The following MTMR2 variants were observed in gnomAD, a reference collection of about 807,000 sequenced individuals.
The protein encoded by MTMR2 is phosphatidylinositol-3,5-bisphosphate 3-phosphatase MTMR2.
MTMR2 carries 55 observed loss-of-function variants against 86.9 expected under a neutral mutation model. That is an observed-to-expected ratio of 0.63 (90% CI 0.51 to 0.79). The LOEUF (loss-of-function observed/expected upper bound fraction) is 0.79. MTMR2 is among the 30% of genes least tolerant of loss of function. MTMR2 has a pLI of 0.00. For missense variants in MTMR2, 659 were observed against 772.3 expected, an observed-to-expected ratio of 0.85 and a Z score of 1.74; for synonymous variants, 241 against 266.8, an observed-to-expected ratio of 0.90 and a Z score of 0.94.
At chr11:95,867,547 C>T (rs116112107) in intron 2 of MTMR2, among the ~76,000 whole-genome samples, 90 of 152,190 alleles carry the variant, frequency 5.9e-4, no homozygotes, top group African/African-American at 2.1e-3. Context: ...TGTCAAAGAG[C>T]GAGGCAATGA....
intron 11 of MTMR2, among the ~76,000 whole-genome samples, chr11:95,843,478 C>T (rs1052674340): frequency 6.6e-6 from 1 of 152,128 alleles, no homozygotes; most frequent in South Asian, 2.1e-4. Flanking sequence ...CAACTAACCT[C>T]TAAGAAACTA....
rs750446612 is a variant in MTMR2, at chr11:95,862,404, T to G, written c.263-38A>C. The stretch of plus-strand genomic sequence containing the variant: ...GAAGTCCACAGTTTACTATACATTA[T>G]GTGCTATTAAAACCTGCTATCTCAT... On this transcript the variant is annotated intron_variant, in intron 3 of 14. Transcript: ENST00000346299. The G allele has an allele frequency of 3.4e-6, 5 of 1,486,220 alleles. No homozygotes were observed. The Admixed American group carries it at 6.7e-5, about 20-fold the overall frequency. The allele number at this position is 1,486,220 out of a possible 1,614,324, so 92.1% of individuals were successfully genotyped here.
chr11:95,892,492 A>G (rs2135559242), intron 1 of MTMR2, among the ~76,000 whole-genome samples: 1 of 152,330 alleles, frequency 6.6e-6, no homozygotes, highest in East Asian at 1.9e-4. Context: ...ACTCCAAATA[A>G]TAAGAATCTT....
intron 5 of MTMR2, 139 bp from the exon 6 acceptor site, chr11:95,858,771 G>A: frequency 1.6e-6 from 1 of 640,432 alleles, no homozygotes; most frequent in Non-Finnish European, 2.8e-6. Flanking sequence ...TCAGCTCCTG[G>A]AGACAGGGAA....
intron 1 of MTMR2, among the ~76,000 whole-genome samples, chr11:95,902,917 T>C (rs539015859): frequency 1.3e-5 from 2 of 152,310 alleles, no homozygotes; most frequent in African/African-American, 4.8e-5. Flanking sequence ...CCACCCTCTT[T>C]GTTGACATCA....
At chr11:95,912,174 G>T (rs868115194) in intron 1 of MTMR2, among the ~76,000 whole-genome samples, 16 of 150,336 alleles carry the variant, frequency 1.1e-4, no homozygotes, top group Middle Eastern at 3.4e-3. Flanking sequence ...AGTCCAGAAA[G>T]GTTAAGCTAA....
chr11:95,860,745 T>C (rs1449912093), intron 5 of MTMR2, among the ~76,000 whole-genome samples: 1 of 152,154 alleles, frequency 6.6e-6, no homozygotes, highest in Non-Finnish European at 1.5e-5. Flanking sequence ...ACCTATGACT[T>C]AATGGTAAAA....
At chr11:95,913,296 C>T (rs371227934) in intron 1 of MTMR2, among the ~76,000 whole-genome samples, 1 of 152,072 alleles carries the variant, frequency 6.6e-6, no homozygotes, top group East Asian at 1.9e-4. Flanking sequence ...ATTAGGAGAT[C>T]ATCTCTGACA....
chr11:95,900,732 C>T (rs183289417), intron 1 of MTMR2, among the ~76,000 whole-genome samples: 128 of 152,218 alleles, frequency 8.4e-4, no homozygotes, highest in African/African-American at 1.7e-3. Context: ...TGCGTGTGCA[C>T]GCACACACAC....
In MTMR2 at chr11:95,838,122, C is replaced by A; in HGVS notation, c.1565G>T (p.Cys522Phe). Residue 522 changes from cysteine (C) to phenylalanine (F), a missense_variant, in exon 13 of 15, where the codon TGT becomes TTT. Around this residue, in one of 3 missense-constraint regions of MTMR2, gnomAD observed 193 missense variants for 191.6 expected, o/e 1.01. Coordinates refer to ENST00000346299, the MANE Select transcript of MTMR2 (RefSeq NM_016156.6). ...LYSCLFGTFL[C>F]NSEQQRGKEN... ...TTTTCCTCTCTGTTGTTCACTATTACAGAGGAATGTTCCGAATAAGCAGCT... is the reference window on the plus strand; with the variant it reads ...TTTTCCTCTCTGTTGTTCACTATTAAAGAGGAATGTTCCGAATAAGCAGCT... The A allele has an allele frequency of 6.2e-7, 1 of 1,607,470 alleles. No homozygotes were observed. The highest frequency in any genetic ancestry group is 1.3e-5 in the African/African-American group (1 of 74,786).
At chr11:95,923,427 A>C (rs1483560237) in intron 1 of MTMR2, among the ~76,000 whole-genome samples, 1 of 152,100 alleles carries the variant, frequency 6.6e-6, no homozygotes. Flanking sequence ...AAAGAGAGAA[A>C]AGGGCTGGGC....
chr11:95,865,681 G>T lies in MTMR2; in HGVS notation c.187-5C>A, dbSNP rs1462409164. Reference sequence around the variant, plus strand: ...CTTGTTAGACTCCCTCAGGACCTGGGGTGGGAAAGACAAAAAAAGAAACAT... The same window carrying T: ...CTTGTTAGACTCCCTCAGGACCTGGTGTGGGAAAGACAAAAAAAGAAACAT... On this transcript the variant is annotated splice_polypyrimidine_tract_variant and splice_region_variant and intron_variant, in intron 2 of 14. Coordinates refer to ENST00000346299, the MANE Select transcript of MTMR2 (RefSeq NM_016156.6). The T allele has an allele frequency of 6.3e-7, 1 of 1,591,358 alleles. No individual in the cohort carries two copies. The highest frequency in any genetic ancestry group is 1.3e-5 in the African/African-American group (1 of 74,852).
At chr11:95,858,655 G>T in intron 5 of MTMR2, 23 bp from the exon 6 acceptor site, 1 of 1,403,098 alleles carries the variant, frequency 7.1e-7, no homozygotes, top group Non-Finnish European at 1.0e-6. Flanking sequence ...TAGGAACCAA[G>T]TTAATAATTG....
At chr11:95,886,981 G>C (rs971724845) in intron 2 of MTMR2, among the ~76,000 whole-genome samples, 5 of 152,212 alleles carry the variant, frequency 3.3e-5, no homozygotes, top group Middle Eastern at 6.8e-3. Context: ...TTCATAATTA[G>C]CATAAGATAT....
chr11:95,855,993 A>G (rs1864195540), intron 7 of MTMR2, among the ~76,000 whole-genome samples: 1 of 152,216 alleles, frequency 6.6e-6, no homozygotes, highest in Non-Finnish European at 1.5e-5. Flanking sequence ...AGTAAATTTT[A>G]TGGTATGTGA....
chr11:95,862,191 A>G (rs1243477960), intron 4 of MTMR2, 81 bp downstream of exon 4: 2 of 1,530,222 alleles, frequency 1.3e-6, no homozygotes, highest in Non-Finnish European at 1.8e-6. Context: ...GAAATGCTTT[A>G]ATTAGAAATG....
At chr11:95,890,551 A>G (rs1865681292) in intron 1 of MTMR2, among the ~76,000 whole-genome samples, 1 of 152,244 alleles carries the variant, frequency 6.6e-6, no homozygotes, top group Non-Finnish European at 1.5e-5. Flanking sequence ...GGGAGCAGAA[A>G]CAGCAGGGTA....
intron 1 of MTMR2, among the ~76,000 whole-genome samples, chr11:95,907,264 C>T (rs1866314529): frequency 6.6e-6 from 1 of 152,004 alleles, no homozygotes; most frequent in Non-Finnish European, 1.5e-5. Flanking sequence ...AGAAAACCTA[C>T]AAGAAATAGA....
At chr11:95,922,690 C>G (rs935679858) in intron 1 of MTMR2, among the ~76,000 whole-genome samples, 2 of 151,658 alleles carry the variant, frequency 1.3e-5, no homozygotes, top group Non-Finnish European at 2.9e-5. Context: ...CACTTTAAGC[C>G]AACAATTATA....
Sources: allele counts gnomAD v4.1 joint callset (sites outside exome capture counted in the v4.1 genomes callset), GRCh38; gene constraint gnomAD v4.1.1; regional missense constraint gnomAD v4.1.1; transcripts MANE v1.5; gene names NCBI Gene and HGNC (gene_info 2026-07-23, HGNC 2026-07-21).